The following SUGCT variants were observed in gnomAD, a reference collection of about 807,000 sequenced individuals.
SUGCT encodes the protein succinyl-CoA:glutarate CoA-transferase.
Under a neutral mutation model 55.0 loss-of-function variants are expected in SUGCT, and 41 were observed. That is an observed-to-expected ratio of 0.74 (90% CI 0.58 to 0.97). The LOEUF is 0.97. Among genes scored for constraint, SUGCT ranks in the 50% least tolerant of loss-of-function variants. SUGCT has a pLI of 0.00. For missense variants in SUGCT, 568 were observed against 547.8 expected (o/e 1.04, Z -0.37); for synonymous variants, 187 against 200.4 (o/e 0.93, Z 0.56).
intron 7 of SUGCT, among the ~76,000 whole-genome samples, chr7:40,253,477 A>G: frequency 6.6e-6 from 1 of 152,238 alleles, no homozygotes; most frequent in Middle Eastern, 3.2e-3. Context: ...GAAGGCACGG[A>G]CTGGCTGTAC....
Position 40,853,404 on chromosome 7 carries a change from T to G in SUGCT, c.1154-6912T>G, listed in dbSNP as rs561035412. Among the ~76,000 whole-genome samples the G allele has an allele frequency of 5.9e-5, 9 of 152,088 alleles. No individual in the cohort carries two copies. In the South Asian group the frequency reaches 1.9e-3, roughly 32 times the overall value. On this transcript the variant is annotated intron_variant, in intron 13 of 13. Coordinates refer to ENST00000335693, the MANE Select transcript of SUGCT (RefSeq NM_001193313.2). Reference sequence around the variant, plus strand: ...TTTTGAGACAGAGTCTCACTCTGTCTCCCAGGCTGGAGTGCAGTGGCGCAA... The same window carrying G: ...TTTTGAGACAGAGTCTCACTCTGTCGCCCAGGCTGGAGTGCAGTGGCGCAA...
At chr7:40,444,296 T>C (rs1360686138) in intron 9 of SUGCT, among the ~76,000 whole-genome samples, 4 of 152,232 alleles carry the variant, frequency 2.6e-5, no homozygotes, top group South Asian at 2.1e-4. Flanking sequence ...GGCATTGAAT[T>C]TGTAAATTAC....
chr7:40,860,327 A>T lies in SUGCT; in HGVS notation c.1165A>T (p.Arg389Ter), dbSNP rs2128809589. Residue 389 changes from arginine to a stop codon, truncating the protein, a stop_gained, in exon 14 of 14, where the codon AGA becomes TGA. Coordinates refer to ENST00000335693, the MANE Select transcript of SUGCT (RefSeq NM_001193313.2). LOFTEE classifies it high-confidence loss of function. ...GKISVPGPAV[R>*]YSKFKMSEAR... ...TTCTCCTTTGGCAGGCCCAGCTGTG[A>T]GATACAGTAAGTTCAAGATGTCAGA... The T allele has an allele frequency of 1.2e-6, 2 of 1,613,972 alleles. No homozygotes were observed. The highest frequency in any genetic ancestry group is 8.5e-7 in the Non-Finnish European group (1 of 1,179,852).
intron 9 of SUGCT, among the ~76,000 whole-genome samples, chr7:40,366,286 C>T (rs1231687019): frequency 2.0e-5 from 3 of 152,040 alleles, no homozygotes; most frequent in South Asian, 2.1e-4. Context: ...AAGACTTAAA[C>T]ATTAGACCTA....
chr7:40,850,915 C>T (rs1793817521), intron 13 of SUGCT, among the ~76,000 whole-genome samples: 1 of 152,216 alleles, frequency 6.6e-6, no homozygotes, highest in African/African-American at 2.4e-5. Flanking sequence ...AAGGTCATCA[C>T]TGTAGCAGAG....
chr7:40,698,728 C>T (rs934488686), intron 12 of SUGCT, among the ~76,000 whole-genome samples: 4 of 152,142 alleles, frequency 2.6e-5, no homozygotes, highest in African/African-American at 7.2e-5. Context: ...CCACATAATT[C>T]GTGAGTTAAA....
At chr7:40,405,408 T>G (rs1786304499) in intron 9 of SUGCT, among the ~76,000 whole-genome samples, 1 of 152,240 alleles carries the variant, frequency 6.6e-6, no homozygotes, top group Non-Finnish European at 1.5e-5. Flanking sequence ...AATGTTTCCT[T>G]CTTTAAAATT....
chr7:40,234,378 G>A (rs748013619), intron 6 of SUGCT, among the ~76,000 whole-genome samples: 2 of 152,150 alleles, frequency 1.3e-5, no homozygotes, highest in Non-Finnish European at 2.9e-5. Flanking sequence ...CTGGAATCCC[G>A]GGCCAGGGTG....
intron 12 of SUGCT, among the ~76,000 whole-genome samples, chr7:40,634,679 A>C (rs1185299812): frequency 6.6e-6 from 1 of 152,258 alleles, no homozygotes; most frequent in East Asian, 1.9e-4. Context: ...AATTTAAGGC[A>C]GATAGCCAGT....
At chr7:40,244,767 A>G (rs1282980686) in intron 7 of SUGCT, among the ~76,000 whole-genome samples, 1 of 152,190 alleles carries the variant, frequency 6.6e-6, no homozygotes, top group East Asian at 1.9e-4. Context: ...TTCACATAAT[A>G]CTAAATCCAT....
At chr7:40,864,193 G>T (rs1442057315), downstream of SUGCT, among the ~76,000 whole-genome samples, 7 of 152,174 alleles carry the variant, frequency 4.6e-5, 1 homozygote, top group Admixed American at 3.9e-4. Flanking sequence ...CCTGGGCTCT[G>T]TTGTCCAGAC....
chr7:40,614,858 G>A (rs1275226299), intron 12 of SUGCT, among the ~76,000 whole-genome samples: 2 of 151,966 alleles, frequency 1.3e-5, no homozygotes, highest in Non-Finnish European at 2.9e-5. Flanking sequence ...TCAGGAGTTT[G>A]AGACCAGGCT....
At chr7:40,927,618 A>T in the SUGCT span, among the ~76,000 whole-genome samples, 1 of 152,204 alleles carries the variant, frequency 6.6e-6, no homozygotes, top group African/African-American at 2.4e-5. Context: ...TTTTGGGACA[A>T]CATAAAAGAC....
At chr7:40,347,027 CAG>C (rs1797353879) in intron 9 of SUGCT, among the ~76,000 whole-genome samples, 1 of 151,824 alleles carries the variant, frequency 6.6e-6, no homozygotes. Flanking sequence ...TACTGAGAAG[CAG>C]AGTGTTGCTG....
intron 11 of SUGCT, among the ~76,000 whole-genome samples, chr7:40,488,786 T>G (rs1791524684): frequency 6.6e-6 from 1 of 152,198 alleles, no homozygotes; most frequent in Non-Finnish European, 1.5e-5. Context: ...ATATATCATC[T>G]CACTCTCTCC....
chr7:40,302,477 T>C (rs1794592943), intron 8 of SUGCT, among the ~76,000 whole-genome samples: 1 of 152,208 alleles, frequency 6.6e-6, no homozygotes, highest in Non-Finnish European at 1.5e-5. Context: ...GTATGTCTGT[T>C]GTCTGGTAAT....
chr7:40,900,370 CT>C, the SUGCT span, among the ~76,000 whole-genome samples: 6 of 152,232 alleles, frequency 3.9e-5, no homozygotes, highest in Non-Finnish European at 8.8e-5. Context: ...GACTAAGCCT[CT>C]TTATGCCTTT....
intron 9 of SUGCT, among the ~76,000 whole-genome samples, chr7:40,374,693 T>C (rs1286107150): frequency 2.6e-5 from 4 of 152,184 alleles, no homozygotes; most frequent in African/African-American, 9.7e-5. Flanking sequence ...TTTCTTGATT[T>C]CTCAGTGTCT....
At chr7:40,245,446 T>TA (rs1562607642) in intron 7 of SUGCT, among the ~76,000 whole-genome samples, 4 of 79,916 alleles carry the variant, frequency 5.0e-5, no homozygotes, top group South Asian at 4.3e-4. Flanking sequence ...TTTTTTTTTT[T>TA]TTTTTTTTTT....
Sources: gnomAD v4.1 joint callset for allele counts (sites outside exome capture counted in the v4.1 genomes callset) on GRCh38, gnomAD v4.1.1 for gene constraint, MANE v1.5 for transcripts, NCBI Gene and HGNC (gene_info 2026-07-23, HGNC 2026-07-21) for gene names.